VWA8: variants seen among roughly 807,000 people sequenced by gnomAD.
VWA8 encodes von Willebrand factor A domain containing 8, also known as von Willebrand factor A domain-containing protein 8.
A neutral mutation model predicts 241.5 loss-of-function variants in VWA8; 221 were observed. The observed-to-expected ratio is 0.91, with a 90% CI of 0.82 to 1.02. The LOEUF is 1.02. VWA8 is among the 50% of genes least tolerant of loss of function. The probability of loss-of-function intolerance (pLI) is 0.00; values close to 1 mark genes in which losing one functional copy is unlikely to be tolerated. For synonymous variants in VWA8, 852 were observed against 827.1 expected (o/e 1.03, Z -0.52); for missense variants, 2,322 against 2,328.7 (o/e 1.00, Z 0.06).
chr13:41,761,001 A>G, intron 21 of VWA8, 127 bp downstream of exon 21: 1 of 929,500 alleles, frequency 1.1e-6, no homozygotes, highest in Non-Finnish European at 1.7e-6. Flanking sequence ...AAGAGATAAG[A>G]GCAAGAAGAA....
intron 12 of VWA8, among the ~76,000 whole-genome samples, chr13:41,855,634 G>T (rs977550563): frequency 2.6e-5 from 4 of 151,852 alleles, no homozygotes; most frequent in African/African-American, 9.7e-5. Context: ...AAGACTAATG[G>T]GGATAGAAAG....
At chr13:41,858,195 C>T (rs1872843291) in intron 12 of VWA8, among the ~76,000 whole-genome samples, 1 of 152,140 alleles carries the variant, frequency 6.6e-6, no homozygotes, top group South Asian at 2.1e-4. Flanking sequence ...GGTTCTGTTT[C>T]TCTATGAAAT....
chr13:41,622,028 C>G (rs1009521702), intron 37 of VWA8, among the ~76,000 whole-genome samples: 3 of 152,130 alleles, frequency 2.0e-5, no homozygotes, highest in African/African-American at 7.2e-5. Flanking sequence ...GTTCCAGGGA[C>G]AATTCCAGGG....
intron 42 of VWA8, among the ~76,000 whole-genome samples, chr13:41,587,029 A>T (rs1336974720): frequency 1.3e-5 from 2 of 150,464 alleles, no homozygotes; most frequent in East Asian, 3.9e-4. Context: ...ACCAAAATGG[A>T]AACAGTTGAA....
At position 41,830,571 on chromosome 13, in the gene VWA8, A is replaced by C; in HGVS notation, c.1658T>G (p.Leu553Ter). The C allele has an allele frequency of 6.2e-7, 1 of 1,613,932 alleles. No homozygotes were observed. Among genetic ancestry groups the C allele is most frequent in the Non-Finnish European group, 8.5e-7 (1 of 1,179,898 alleles). The change falls in exon 14 of 45, where the codon TTA becomes TGA. Residue 553 changes from leucine to a stop codon, truncating the protein, a stop_gained. Transcript: ENST00000379310. LOFTEE classifies it high-confidence loss of function. ...RLLREDRYMR[L>*]KEELQLSDEQ... ...ATCAGACAGTTGCAGCTCCTCCTTT[A>C]AACGCATATACCTGTCTTCTCTCAG...
At chr13:41,903,418 G>A (rs1213217870) in intron 4 of VWA8, among the ~76,000 whole-genome samples, 1 of 152,128 alleles carries the variant, frequency 6.6e-6, no homozygotes, top group African/African-American at 2.4e-5. Flanking sequence ...CGGGGGAGGA[G>A]AGCCAACAAA....
At chr13:41,763,304 AATAAATAGATAG>A (rs1434302223) in intron 20 of VWA8, among the ~76,000 whole-genome samples, 11 of 140,258 alleles carry the variant, frequency 7.8e-5, no homozygotes, top group African/African-American at 2.9e-4. Context: ...TAAATAAATA[AATAAATAGATAG>A]ATAGATAGAT....
rs1221790637 is a variant in VWA8, at chr13:41,568,013, T to TAAG, written c.*181_*183dup. On this transcript the variant is annotated 3_prime_UTR_variant, in exon 45 of 45. Coordinates refer to ENST00000379310, the MANE Select transcript of VWA8 (RefSeq NM_015058.2). ...CATCAGTGGAGTATCTTTCCATGTT[T>TAAG]AAGTCTCCTTCTGGCTGCTTCTCTG... is the stretch of plus-strand genomic sequence containing the variant. The TAAG allele has an allele frequency of 7.4e-5, 43 of 581,934 alleles. No homozygotes were observed. Among genetic ancestry groups the TAAG allele is most frequent in the Non-Finnish European group, 1.2e-4 (41 of 330,562 alleles). The allele number at this position is 581,934 out of a possible 1,614,324, so 36.0% of individuals were successfully genotyped here.
At chr13:41,583,471 T>C (rs1295280976) in intron 42 of VWA8, among the ~76,000 whole-genome samples, 5 of 151,868 alleles carry the variant, frequency 3.3e-5, no homozygotes, top group African/African-American at 1.2e-4. Flanking sequence ...GTGAAACCAC[T>C]GTCTCTACTA....
Position 41,699,159 on chromosome 13 carries a change from C to A in VWA8, c.3476G>T (p.Arg1159Ile), listed in dbSNP as rs2045233557. ...FFVDFFDIFPRTANGVWHPFV... is the reference protein window; with the variant it reads ...FFVDFFDIFPITANGVWHPFV... ...AGGGTGCCAAACGCCATTGGCTGTT[C>A]TTGGGAAGATATCAAAAAAGTCCAC... Residue 1159 changes from arginine (R) to isoleucine (I), a missense_variant, in exon 29 of 45, where the codon AGA becomes ATA. Physicochemically the swap from Arg to Ile is moderately conservative, Grantham distance 97 (BLOSUM62 -3). Transcript: ENST00000379310. 2.5e-6 allele frequency: 4 copies of A among 1,613,958 alleles called. No homozygotes were observed. The highest frequency in any genetic ancestry group is 3.4e-6 in the Non-Finnish European group (4 of 1,180,006).
At chr13:41,656,433 T>G (rs2044906029) in intron 37 of VWA8, among the ~76,000 whole-genome samples, 1 of 152,084 alleles carries the variant, frequency 6.6e-6, no homozygotes, top group South Asian at 2.1e-4. Flanking sequence ...ATGAGTGAGC[T>G]CTTTTTCTTG....
At chr13:41,873,729 A>T (rs150129350) in intron 9 of VWA8, among the ~76,000 whole-genome samples, 14,311 of 152,180 alleles carry the variant, frequency 0.094, 858 homozygotes, top group African/African-American at 0.17. Flanking sequence ...GACCAGATGG[A>T]TTCACAGCCA....
chr13:41,663,414 G>A lies in VWA8; in HGVS notation c.4611+7532C>T, dbSNP rs1423726702. ...CTTATCAAAGTAATAAGCATACACGGTTTAATAAGTCAAATAGTACTACAA... is the reference window on the plus strand; with the variant it reads ...CTTATCAAAGTAATAAGCATACACGATTTAATAAGTCAAATAGTACTACAA... On this transcript the variant is annotated intron_variant, in intron 37 of 44. Transcript: ENST00000379310. Among the ~76,000 whole-genome samples the A allele has an allele frequency of 4.6e-5, 7 of 151,858 alleles. No homozygotes were observed. The East Asian group carries it at 1.4e-3, about 29-fold the overall frequency.
chr13:41,603,672 C>A (rs1462841076), intron 40 of VWA8, among the ~76,000 whole-genome samples: 1 of 152,098 alleles, frequency 6.6e-6, no homozygotes, highest in Non-Finnish European at 1.5e-5. Flanking sequence ...ACTCTGGCAG[C>A]CTCTTCTCTT....
At chr13:41,788,537 C>T (rs902562282) in intron 17 of VWA8, among the ~76,000 whole-genome samples, 2 of 152,166 alleles carry the variant, frequency 1.3e-5, no homozygotes, top group African/African-American at 2.4e-5. Flanking sequence ...AATTACATAG[C>T]TCTATGCTAG....
chr13:41,726,857 C>T (rs1159992663), intron 24 of VWA8, among the ~76,000 whole-genome samples: 4 of 151,982 alleles, frequency 2.6e-5, no homozygotes, highest in African/African-American at 7.2e-5. Context: ...TAACCAGGCT[C>T]AGTGGTACAT....
At chr13:41,945,732 G>A (rs1429344586) in intron 2 of VWA8, among the ~76,000 whole-genome samples, 1 of 152,060 alleles carries the variant, frequency 6.6e-6, no homozygotes, top group Non-Finnish European at 1.5e-5. Flanking sequence ...GGAACAGAAA[G>A]AAGAAATTAT....
intron 25 of VWA8, among the ~76,000 whole-genome samples, 187 bp from the exon 26 acceptor site, chr13:41,719,929 A>G (rs1431562631): frequency 6.6e-6 from 1 of 152,086 alleles, no homozygotes; most frequent in African/African-American, 2.4e-5. Context: ...TGACTTAACA[A>G]TATTTTCCTT....
In VWA8 at chr13:41,819,235, G is replaced by A; in HGVS notation, c.1852C>T (p.Gln618Ter). Reference protein sequence around the residue: ...MKPLVKSEEIQVIKEKVPNVP... With the variant: ...MKPLVKSEEI ...CTTCTTACCTTTTCCTTAATCACTT[G>A]GATTTCTTCACTTTTCACAAGTGGT... The change falls in exon 15 of 45, where the codon CAA becomes TAA. Residue 618 changes from glutamine (Q) to a stop codon, truncating the protein, a stop_gained. Transcript: ENST00000379310. LOFTEE classifies it high-confidence loss of function. 4.4e-6 allele frequency: 7 copies of A among 1,601,886 alleles called. No homozygotes were observed. Among genetic ancestry groups the A allele is most frequent in the African/African-American group, 1.3e-5 (1 of 74,232 alleles).
Sources: allele counts gnomAD v4.1 joint callset (sites outside exome capture counted in the v4.1 genomes callset), GRCh38; gene constraint gnomAD v4.1.1; transcripts MANE v1.5; gene names NCBI Gene and HGNC (gene_info 2026-07-23, HGNC 2026-07-21).